Variants in MACROD2 observed in about 807,000 individuals in gnomAD.
MACROD2 encodes mono-ADP ribosylhydrolase 2, also known as ADP-ribose glycohydrolase MACROD2.
MACROD2 carries 36 observed loss-of-function variants against 70.4 expected under a neutral mutation model. The ratio of observed to expected loss-of-function variants is 0.51; its 90% CI spans 0.39 to 0.68. The LOEUF is 0.68. Among genes scored for constraint, MACROD2 ranks in the 30% least tolerant of loss-of-function variants. The pLI is 0.00. For synonymous variants in MACROD2, 172 were observed against 178.8 expected (o/e 0.96, Z 0.30); for missense variants, 496 against 538.4 (o/e 0.92, Z 0.78).
At chr20:14,868,499 A>G (rs1288204269) in intron 5 of MACROD2, among the ~76,000 whole-genome samples, 1 of 151,982 alleles carries the variant, frequency 6.6e-6, no homozygotes. Flanking sequence ...CTAGTTCCAT[A>G]CTATTGGCCA....
At chr20:15,068,972 G>T (rs2075598697) in intron 5 of MACROD2, among the ~76,000 whole-genome samples, 1 of 152,170 alleles carries the variant, frequency 6.6e-6, no homozygotes, top group Non-Finnish European at 1.5e-5. Flanking sequence ...TTGTTAAGTG[G>T]TTGTGACCAA....
chr20:14,968,312 T>C (rs2074657361), intron 5 of MACROD2, among the ~76,000 whole-genome samples: 1 of 152,182 alleles, frequency 6.6e-6, no homozygotes, highest in African/African-American at 2.4e-5. Flanking sequence ...TGGCAGAATA[T>C]ACAACAGTTC....
intron 15 of MACROD2, among the ~76,000 whole-genome samples, chr20:15,993,540 A>G (rs1041273742): frequency 6.6e-6 from 1 of 152,160 alleles, no homozygotes; most frequent in African/African-American, 2.4e-5. Flanking sequence ...TTGTGTAAGT[A>G]CACTCTATGA....
intron 3 of MACROD2, among the ~76,000 whole-genome samples, chr20:14,214,648 G>A (rs1475485055): frequency 7.4e-6 from 1 of 135,020 alleles, no homozygotes; most frequent in Non-Finnish European, 1.5e-5. Context: ...GGTGGTATTT[G>A]GTTACATGAG....
intron 8 of MACROD2, among the ~76,000 whole-genome samples, chr20:15,666,408 T>G (rs1164287324): frequency 1.3e-5 from 2 of 152,222 alleles, no homozygotes; most frequent in Non-Finnish European, 2.9e-5. Context: ...GTCTTTTTTT[T>G]GCACACATGA....
rs398035424 is a variant in MACROD2, at chr20:15,618,095, C to CTTTTTT, written c.645+118265_645+118270dup. 3.5e-4 allele frequency among the ~76,000 whole-genome samples: 25 copies of CTTTTTT among 70,786 alleles called. 1 individual carries two copies. The highest frequency in any genetic ancestry group is 5.3e-4 in the East Asian group (1 of 1,878). 46.4% of individuals were successfully genotyped at this position (70,786 alleles called of 152,430 possible). A position where few individuals can be genotyped will look rare whatever the true frequency, so the allele number is the denominator to read the frequency against. ...ATGTCTCTAGAAGGCCATCATTAGTCTTTTTTTTTTTTTTTTTTTTTTGGT... is the reference window on the plus strand; with the variant it reads ...ATGTCTCTAGAAGGCCATCATTAGTCTTTTTTTTTTTTTTTTTTTTTTTTTTTTGGT... On this transcript the variant is annotated intron_variant, in intron 8 of 17. Transcript: ENST00000684519.
intron 3 of MACROD2, among the ~76,000 whole-genome samples, chr20:14,475,748 A>G (rs1300064840): frequency 3.3e-5 from 5 of 152,130 alleles, no homozygotes; most frequent in African/African-American, 4.8e-5. Context: ...CCTCTTGAGG[A>G]GTCTGCTGCC....
At chr20:14,563,219 C>T (rs563458576) in intron 4 of MACROD2, among the ~76,000 whole-genome samples, 1 of 151,816 alleles carries the variant, frequency 6.6e-6, no homozygotes, top group African/African-American at 2.4e-5. Context: ...AGCTAGGGTA[C>T]GTTAGTCCCT....
intron 6 of MACROD2, among the ~76,000 whole-genome samples, chr20:15,239,861 A>ACC (rs747410118): frequency 1.2e-4 from 19 of 152,172 alleles, no homozygotes; most frequent in Non-Finnish European, 1.3e-4. Flanking sequence ...TACCATCTCT[A>ACC]CCCTCTCAAT....
In MACROD2 at chr20:16,041,292, C is replaced by T; in HGVS notation, c.1231+14C>T. The T allele has an allele frequency of 1.2e-6, 2 of 1,601,126 alleles. No individual in the cohort carries two copies. Among genetic ancestry groups the T allele is most frequent in the Non-Finnish European group, 1.7e-6 (2 of 1,172,058 alleles). On this transcript the variant is annotated intron_variant, in intron 16 of 17. Transcript: ENST00000684519. ...CAGGTCCTGATGGTAAGGTTCTGAG[C>T]TATTGGAGCCCATGGAAACTACAAA... is the stretch of plus-strand genomic sequence containing the variant.
chr20:14,717,282 G>A (rs1211298471), intron 5 of MACROD2, among the ~76,000 whole-genome samples: 2 of 152,168 alleles, frequency 1.3e-5, no homozygotes, highest in Non-Finnish European at 2.9e-5. Context: ...TCCTGGTGCA[G>A]TCATCAGCAG....
intron 2 of MACROD2, among the ~76,000 whole-genome samples, chr20:14,076,388 C>T (rs528852964): frequency 5.2e-4 from 79 of 152,134 alleles, no homozygotes; most frequent in Non-Finnish European, 9.7e-4. Context: ...TGGTAGATCA[C>T]ACCTGTAATC....
chr20:15,214,467 C>T (rs982910177), intron 5 of MACROD2, among the ~76,000 whole-genome samples: 22 of 152,050 alleles, frequency 1.4e-4, no homozygotes, highest in African/African-American at 5.1e-4. Flanking sequence ...ATGGGAGGAT[C>T]GCTTGAGGCC....
intron 10 of MACROD2, 37 bp from the exon 11 acceptor site, chr20:15,933,239 T>G: frequency 4.4e-6 from 7 of 1,600,938 alleles, no homozygotes; most frequent in Non-Finnish European, 6.0e-6. Flanking sequence ...ACAAATTGAC[T>G]TGATGCATTT....
At chr20:14,772,648 G>A (rs1005417935) in intron 5 of MACROD2, among the ~76,000 whole-genome samples, 2 of 152,082 alleles carry the variant, frequency 1.3e-5, no homozygotes, top group Non-Finnish European at 2.9e-5. Flanking sequence ...TACAAGATGA[G>A]ATTTCGGTGG....
At chr20:15,575,228 C>T (rs1187081568) in intron 8 of MACROD2, among the ~76,000 whole-genome samples, 2 of 152,132 alleles carry the variant, frequency 1.3e-5, no homozygotes, top group Admixed American at 6.6e-5. Context: ...TAAGGATCCA[C>T]TTTCATATTT....
chr20:15,196,107 G>A (rs921242604), intron 5 of MACROD2, among the ~76,000 whole-genome samples: 2 of 152,162 alleles, frequency 1.3e-5, no homozygotes, highest in African/African-American at 4.8e-5. Flanking sequence ...AGAGCATCAG[G>A]AGGAATAGCT....
chr20:14,505,716 C>T (rs1326878933), intron 4 of MACROD2, among the ~76,000 whole-genome samples: 1 of 152,102 alleles, frequency 6.6e-6, no homozygotes, highest in East Asian at 1.9e-4. Flanking sequence ...TAACAAGTTC[C>T]GTTTTAATGC....
At chr20:14,520,214 TAA>T (rs1336214153) in intron 4 of MACROD2, among the ~76,000 whole-genome samples, 3 of 152,130 alleles carry the variant, frequency 2.0e-5, no homozygotes, top group African/African-American at 4.8e-5. Context: ...ACACCTAAAG[TAA>T]AAGTTTTTTT....
Sources: allele counts gnomAD v4.1 joint callset (sites outside exome capture counted in the v4.1 genomes callset), GRCh38; gene constraint gnomAD v4.1.1; transcripts MANE v1.5; gene names NCBI Gene and HGNC (gene_info 2026-07-23, HGNC 2026-07-21).